Variants in PLEKHH2 observed in about 807,000 individuals in gnomAD.
The protein encoded by PLEKHH2 is pleckstrin homology, MyTH4 and FERM domain containing H2.
PLEKHH2 carries 129 observed loss-of-function variants against 187.9 expected under a neutral mutation model. The observed-to-expected ratio is 0.69, with a 90% CI of 0.59 to 0.79. PLEKHH2 has a LOEUF of 0.79. Ranked by LOEUF, PLEKHH2 falls within the 30% of genes least tolerant of loss-of-function variation. The pLI is 0.00. For synonymous variants in PLEKHH2, 686 were observed against 605.6 expected (o/e 1.13, Z -1.95); for missense variants, 2,076 against 1,751.2 (o/e 1.19, Z -3.31).
At chr2:43,707,637 T>A in intron 11 of PLEKHH2, 92 bp downstream of exon 11, 1 of 1,464,504 alleles carries the variant, frequency 6.8e-7, no homozygotes, top group Non-Finnish European at 9.2e-7. Flanking sequence ...ATTTTTTAAA[T>A]CCAAGAACTT....
At position 43,712,388 on chromosome 2, in the gene PLEKHH2, G is replaced by A; in HGVS notation, c.2460+5G>A. 2 of 1,613,672 alleles carry A rather than the reference G, an allele frequency of 1.2e-6. No homozygotes were observed. The highest frequency in any genetic ancestry group is 1.7e-6 in the Non-Finnish European group (2 of 1,179,838). On this transcript the variant is annotated splice_donor_5th_base_variant and intron_variant, in intron 15 of 29. Transcript: ENST00000282406. ...ATGAAGGGATTGCTCACTAAGGTAG[G>A]AACCTCCTGTGCATAGCAATGTCCC...
At chr2:43,703,128 C>CCT (rs1292118345) in intron 8 of PLEKHH2, among the ~76,000 whole-genome samples, 1 of 152,192 alleles carries the variant, frequency 6.6e-6, no homozygotes, top group East Asian at 1.9e-4. Context: ...ATGCCAGTTG[C>CCT]CTCTCAAGCC....
chr2:43,689,705 T>A (rs1668701133), intron 3 of PLEKHH2, among the ~76,000 whole-genome samples: 1 of 152,198 alleles, frequency 6.6e-6, no homozygotes, highest in South Asian at 2.1e-4. Context: ...TTTGCCCCTT[T>A]TGCCAATATT....
chr2:43,743,110 C>G (rs1395460594), intron 22 of PLEKHH2, among the ~76,000 whole-genome samples, 192 bp downstream of exon 22: 1 of 152,176 alleles, frequency 6.6e-6, no homozygotes, highest in Non-Finnish European at 1.5e-5. Context: ...ATAACAAATC[C>G]ATACTGAACC....
At chr2:43,748,382 G>A (rs1671864955) in intron 24 of PLEKHH2, among the ~76,000 whole-genome samples, 2 of 152,298 alleles carry the variant, frequency 1.3e-5, no homozygotes, top group South Asian at 4.1e-4. Context: ...AGGTATCAGT[G>A]GCCCTTTGGT....
At chr2:43,696,645 A>C (rs1166326246) in intron 6 of PLEKHH2, among the ~76,000 whole-genome samples, 1 of 151,654 alleles carries the variant, frequency 6.6e-6, no homozygotes, top group Non-Finnish European at 1.5e-5. Flanking sequence ...CATAGACCCA[A>C]CCTCCCCATC....
chr2:43,678,873 T>A lies in PLEKHH2; in HGVS notation c.134T>A (p.Leu45His), dbSNP rs779158428. The change falls in exon 3 of 30, where the codon CTT (leucine) becomes CAT (histidine). Residue 45 changes from leucine (L) to histidine (H), a missense_variant. By Grantham distance (99) the Leu-to-His change is moderately conservative. Transcript: ENST00000282406. ...RELLAEKMQQ[L>H]ERQVIDAERQ... ...TCCCTCACTCTACAGATGCAACAGC[T>A]TGAGAGACAAGTTATTGATGCTGAA... 1.2e-6 allele frequency: 2 copies of A among 1,604,218 alleles called. No homozygotes were observed. The highest frequency in any genetic ancestry group is 1.7e-6 in the Non-Finnish European group (2 of 1,173,344).
chr2:43,640,712 A>G (rs1665860710), intron 1 of PLEKHH2, among the ~76,000 whole-genome samples: 1 of 152,094 alleles, frequency 6.6e-6, no homozygotes, highest in African/African-American at 2.4e-5. Context: ...CTTATTGGCC[A>G]TTTGTATATC....
chr2:43,722,238 A>T (rs1245440260), intron 16 of PLEKHH2, among the ~76,000 whole-genome samples: 1 of 148,370 alleles, frequency 6.7e-6, no homozygotes, highest in East Asian at 1.9e-4. Flanking sequence ...CCTGGGCGAC[A>T]GAGTGAGACC....
At chr2:43,745,729 A>G (rs1417426274) in intron 23 of PLEKHH2, 137 bp from the exon 24 acceptor site, 2 of 594,450 alleles carry the variant, frequency 3.4e-6, no homozygotes, top group South Asian at 2.3e-5. Context: ...AGAGCCGCAC[A>G]GAGGCTGAAA....
At chr2:43,762,551 A>T (rs1470066441) in intron 28 of PLEKHH2, among the ~76,000 whole-genome samples, 161 bp downstream of exon 28, 3 of 152,194 alleles carry the variant, frequency 2.0e-5, no homozygotes, top group African/African-American at 7.2e-5. Context: ...TACAGCTATG[A>T]TTATAATTTA....
At chr2:43,696,816 C>G (rs745458098) in intron 6 of PLEKHH2, among the ~76,000 whole-genome samples, 3 of 152,172 alleles carry the variant, frequency 2.0e-5, no homozygotes, top group Non-Finnish European at 4.4e-5. Context: ...TTTACCAACG[C>G]TGAACTGGTA....
chr2:43,701,761 A>AT (rs1669378883), intron 8 of PLEKHH2, among the ~76,000 whole-genome samples: 1 of 136,236 alleles, frequency 7.3e-6, no homozygotes, highest in Admixed American at 7.6e-5. Context: ...GATCTGTTTA[A>AT]TTTTAATTTT....
chr2:43,758,516 G>A (rs928435478), intron 26 of PLEKHH2, among the ~76,000 whole-genome samples: 11 of 152,150 alleles, frequency 7.2e-5, no homozygotes, highest in Non-Finnish European at 1.0e-4. Flanking sequence ...GCCTCCCAAC[G>A]TGCTGGGATT....
intron 2 of PLEKHH2, chr2:43,658,928 T>C (rs1056062093): frequency 6.6e-6 from 1 of 152,054 alleles, no homozygotes; most frequent in African/African-American, 2.4e-5. Context: ...AGTTTTTTCT[T>C]TCAGTGACTA....
intron 2 of PLEKHH2, among the ~76,000 whole-genome samples, chr2:43,655,580 T>C (rs774649613): frequency 6.6e-6 from 1 of 152,148 alleles, no homozygotes; most frequent in Non-Finnish European, 1.5e-5. Context: ...TTAGAAACCA[T>C]AGAATGGAAA....
intron 27 of PLEKHH2, among the ~76,000 whole-genome samples, chr2:43,759,735 C>G (rs1471146572): frequency 6.6e-6 from 1 of 152,202 alleles, no homozygotes; most frequent in Non-Finnish European, 1.5e-5. Flanking sequence ...ACTATAAACT[C>G]ACTGATCCTA....
rs1218164801 is a variant in PLEKHH2 at position 43,692,574 on chromosome 2, A to T, written c.247A>T (p.Arg83Ter). The stretch of plus-strand genomic sequence containing the variant: ...TATTCAAACCAGTGAATCAGAGACA[A>T]GATTATATAATAAGTGTCAAGATCT... The part of the protein sequence containing the change: ...ANIQTSESET[R>*]LYNKCQDLES... The change falls in exon 4 of 30, where the codon AGA becomes TGA. Residue 83 changes from arginine to a stop codon, truncating the protein, a stop_gained. Transcript: ENST00000282406. LOFTEE classifies it high-confidence loss of function. 6.2e-7 allele frequency: 1 copy of T among 1,602,070 alleles called. No individual in the cohort carries two copies.
chr2:43,700,459 G>A lies in PLEKHH2; in HGVS notation c.1501G>A (p.Glu501Lys). 1 of 1,614,088 alleles carries A rather than the reference G, an allele frequency of 6.2e-7. No individual in the cohort carries two copies. The highest frequency in any genetic ancestry group is 8.5e-7 in the Non-Finnish European group (1 of 1,180,026). ...LVDGDSTEVL[E>K]NMDTSCDDGL... ...TGATGGAGACAGTACAGAAGTTTTAGAGAATATGGACACGAGTTGTGATGA... is the reference window on the plus strand; with the variant it reads ...TGATGGAGACAGTACAGAAGTTTTAAAGAATATGGACACGAGTTGTGATGA... Residue 501 changes from glutamate to lysine, a missense_variant, in exon 8 of 30, where the codon GAG (glutamate) becomes AAG (lysine). Coordinates refer to ENST00000282406, the MANE Select transcript of PLEKHH2 (RefSeq NM_172069.4).
Sources: gnomAD v4.1 joint callset for allele counts (sites outside exome capture counted in the v4.1 genomes callset) on GRCh38, gnomAD v4.1.1 for gene constraint, MANE v1.5 for transcripts, NCBI Gene and HGNC (gene_info 2026-07-23, HGNC 2026-07-21) for gene names.